Variants in SLC6A3 observed in about 807,000 individuals in gnomAD.
SLC6A3 encodes the protein sodium-dependent dopamine transporter.
In SLC6A3, 19 loss-of-function variants were observed where a neutral mutation model predicts 70.4. The observed-to-expected ratio is 0.27, with a 90% CI of 0.19 to 0.40. The LOEUF (loss-of-function observed/expected upper bound fraction) is 0.40. SLC6A3 is among the 10% of genes least tolerant of loss of function. The pLI is 1.00. For missense variants in SLC6A3, 613 were observed against 838.5 expected (o/e 0.73, Z 3.32); for synonymous variants, 368 against 356.6 (o/e 1.03, Z -0.36).
At position 1,404,653 on chromosome 5, in the gene SLC6A3, G is replaced by A. The variant is rs1304974821; in HGVS notation, c.1599+1535C>T. Reference sequence around the variant, plus strand: ...ACGCCAGAGGGCAGGGGACTATGCCGCAGCCTGAAGAAACAGATGATAACA... The same window carrying A: ...ACGCCAGAGGGCAGGGGACTATGCCACAGCCTGAAGAAACAGATGATAACA... On this transcript the variant is annotated intron_variant, in intron 12 of 14. Coordinates refer to ENST00000270349, the MANE Select transcript of SLC6A3 (RefSeq NM_001044.5). This position sits in a 1 kb window ranked among gnomAD's most constrained non-coding sequence, Gnocchi z 5.2. Among the ~76,000 whole-genome samples the A allele has an allele frequency of 6.6e-6, 1 of 152,210 alleles. No individual in the cohort carries two copies. Among genetic ancestry groups the A allele is most frequent in the African/African-American group, 2.4e-5 (1 of 41,448 alleles).
chr5:1,406,262 G>C lies in SLC6A3; in HGVS notation c.1525C>G (p.Gln509Glu). Residue 509 changes from glutamine to glutamate, a missense_variant, in exon 12 of 15, where the codon CAG (glutamine) becomes GAG (glutamate). Transcript: ENST00000270349. The surrounding 1 kb of genome is among the most constrained non-coding windows in gnomAD (Gnocchi z 8.8). The part of the protein sequence containing the change: ...YGVGQFSDDI[Q>E]QMTGQRPSLY... ...CTGGGCCGCTGCCCGGTCATCTGCT[G>C]GATGTCGTCGCTGAACTGCCCAACA... 6.2e-7 allele frequency: 1 copy of C among 1,612,994 alleles called. No individual in the cohort carries two copies. The highest frequency in any genetic ancestry group is 8.5e-7 in the Non-Finnish European group (1 of 1,179,980).
intron 4 of SLC6A3, among the ~76,000 whole-genome samples, chr5:1,431,359 G>A (rs1756697526): frequency 6.6e-6 from 1 of 152,286 alleles, no homozygotes; most frequent in Non-Finnish European, 1.5e-5. Flanking sequence ...TGCTGCAGGT[G>A]GATGGTGAGG....
intron 6 of SLC6A3, among the ~76,000 whole-genome samples, chr5:1,419,622 G>C (rs986168315): frequency 6.6e-6 from 1 of 152,166 alleles, no homozygotes; most frequent in Non-Finnish European, 1.5e-5. Flanking sequence ...CTGACTTCAT[G>C]GTTTGTCTGG....
chr5:1,414,152 T>G (rs1197930819), intron 8 of SLC6A3, among the ~76,000 whole-genome samples: 2 of 152,202 alleles, frequency 1.3e-5, no homozygotes, highest in East Asian at 3.9e-4. Flanking sequence ...CTCCAGGTGT[T>G]GCTGGAACAG....
chr5:1,414,990 G>A lies in SLC6A3; in HGVS notation c.1032-175C>T, dbSNP rs1756249844. ...AGCAGCCTGGCAGAGCTGTCCTTGG[G>A]CCACCTTGGTCCCCTAGCTGAGCTG... On this transcript the variant is annotated intron_variant, in intron 7 of 14. Transcript: ENST00000270349. Among the ~76,000 whole-genome samples the A allele has an allele frequency of 1.3e-5, 2 of 152,108 alleles. 1 individual carries two copies. Among genetic ancestry groups the A allele is most frequent in the South Asian group, 4.1e-4 (2 of 4,824 alleles).
In SLC6A3 at chr5:1,444,598, C is replaced by T. The variant is rs558682908; in HGVS notation, c.-46+750G>A. Among the ~76,000 whole-genome samples the T allele has an allele frequency of 1.2e-3, 188 of 152,330 alleles. 1 individual carries two copies. The highest frequency in any genetic ancestry group is 4.4e-3 in the African/African-American group (182 of 41,566). ...CCACGCACCCGGTGACAACCTCAAC[C>T]GGCACGACCCCTCCGGTGGGTAAAA... On this transcript the variant is annotated intron_variant, in intron 1 of 14. Coordinates refer to ENST00000270349, the MANE Select transcript of SLC6A3 (RefSeq NM_001044.5).
intron 6 of SLC6A3, among the ~76,000 whole-genome samples, chr5:1,417,616 A>G (rs2126361487): frequency 6.6e-6 from 1 of 152,338 alleles, no homozygotes; most frequent in East Asian, 1.9e-4. Flanking sequence ...GGTATTTTAA[A>G]AAGTCAGCCA....
Position 1,420,486 on chromosome 5 carries a change from C to T in SLC6A3, c.927+83G>A, listed in dbSNP as rs1033184993. 2.9e-5 allele frequency: 45 copies of T among 1,534,174 alleles called. No homozygotes were observed. In the African/African-American group the frequency reaches 5.4e-4, roughly 19 times the overall value. On this transcript the variant is annotated intron_variant, in intron 6 of 14. Coordinates refer to ENST00000270349, the MANE Select transcript of SLC6A3 (RefSeq NM_001044.5). ...TGGTGTCTGCAACTCTGACACCTCT[C>T]AGCCCTGGCAGGCAATGCATATGGA...
rs1470696049 is a variant in SLC6A3, at chr5:1,408,955, T to G, written c.1498+71A>C. 9.0e-7 allele frequency: 1 copy of G among 1,105,432 alleles called. No homozygotes were observed. Among genetic ancestry groups the G allele is most frequent in the Non-Finnish European group, 1.4e-6 (1 of 727,454 alleles). The allele number at this position is 1,105,432 out of a possible 1,614,324, so 68.5% of individuals were successfully genotyped here. ...CTGAAAGGTGTTTCCTCACGGAGCCTTTTTCAGAAGGGGAGTGGCACAGCC... is the reference window on the plus strand; with the variant it reads ...CTGAAAGGTGTTTCCTCACGGAGCCGTTTTCAGAAGGGGAGTGGCACAGCC... On this transcript the variant is annotated intron_variant, in intron 11 of 14. Coordinates refer to ENST00000270349, the MANE Select transcript of SLC6A3 (RefSeq NM_001044.5). This position sits in a 1 kb window ranked among gnomAD's most constrained non-coding sequence, Gnocchi z 6.4.
At chr5:1,415,197 G>A (rs950008945) in intron 7 of SLC6A3, among the ~76,000 whole-genome samples, 2 of 152,128 alleles carry the variant, frequency 1.3e-5, no homozygotes, top group African/African-American at 2.4e-5. Context: ...GGTCTCGGGG[G>A]CTGTGTTTCC....
At chr5:1,422,085 G>A (rs1452834719) in intron 4 of SLC6A3, 71 bp from the exon 5 acceptor site, 1 of 1,528,418 alleles carries the variant, frequency 6.5e-7, no homozygotes, top group Admixed American at 1.7e-5. Flanking sequence ...GGCTGAGCTT[G>A]TCCGGGGACC....
intron 8 of SLC6A3, among the ~76,000 whole-genome samples, chr5:1,414,423 GA>G (rs1387693146): frequency 1.1e-4 from 16 of 149,408 alleles, no homozygotes; most frequent in Non-Finnish European, 2.2e-4. Flanking sequence ...GGGCAGGGCG[GA>G]GAAGGCACTG....
chr5:1,423,146 ACCGCTGC>A (rs1560919102), intron 4 of SLC6A3, among the ~76,000 whole-genome samples: 2 of 107,496 alleles, frequency 1.9e-5, no homozygotes, highest in African/African-American at 3.8e-5. Flanking sequence ...CTAGGTGCCC[ACCGCTGC>A]CCACAGTGCT....
At chr5:1,418,440 A>G (rs571281945) in intron 6 of SLC6A3, among the ~76,000 whole-genome samples, 1 of 152,242 alleles carries the variant, frequency 6.6e-6, no homozygotes, top group East Asian at 1.9e-4. Flanking sequence ...TCATCTATCA[A>G]TCCATCACCA....
intron 3 of SLC6A3, among the ~76,000 whole-genome samples, chr5:1,440,927 G>A (rs182380618): frequency 1.0e-3 from 159 of 152,302 alleles, no homozygotes; most frequent in African/African-American, 3.7e-3. Context: ...GATACAGATA[G>A]ATGATGATGA....
intron 4 of SLC6A3, among the ~76,000 whole-genome samples, chr5:1,424,630 TGGCACA>T (rs1756537528): frequency 6.6e-6 from 1 of 152,158 alleles, no homozygotes; most frequent in Admixed American, 6.5e-5. Flanking sequence ...TGCCCATACA[TGGCACA>T]GGCCCTCCTG....
At position 1,393,180 on chromosome 5, in the gene SLC6A3, C is replaced by T. The variant is rs1348861180; in HGVS notation, c.*1555G>A. On this transcript the variant is annotated 3_prime_UTR_variant, in exon 15 of 15. Coordinates refer to ENST00000270349, the MANE Select transcript of SLC6A3 (RefSeq NM_001044.5). ...AGTCCCTGGAGCCCACGTCCACTTG[C>T]AGGGGACAGCCATGACTGGCCCTGC... is the stretch of plus-strand genomic sequence containing the variant. 1 of 152,230 alleles carries T rather than the reference C, an allele frequency of 6.6e-6. No individual in the cohort carries two copies. The highest frequency in any genetic ancestry group is 2.4e-5 in the African/African-American group (1 of 41,458). The allele number at this position is 152,230 out of a possible 1,614,324, so 9.4% of individuals were successfully genotyped here. A position where few individuals can be genotyped will look rare whatever the true frequency, so the allele number is the denominator to read the frequency against.
chr5:1,442,830 G>T lies in SLC6A3; in HGVS notation c.286+82C>A. Reference sequence around the variant, plus strand: ...TCACGCATGGGAACAGCTTCATCTCGTTTCCGTACGTGCCTTGGCCCCGGC... The same window carrying T: ...TCACGCATGGGAACAGCTTCATCTCTTTTCCGTACGTGCCTTGGCCCCGGC... On this transcript the variant is annotated intron_variant, in intron 2 of 14. Coordinates refer to ENST00000270349, the MANE Select transcript of SLC6A3 (RefSeq NM_001044.5). This position sits in a 1 kb window ranked among gnomAD's most constrained non-coding sequence, Gnocchi z 5.0. 2 of 1,425,008 alleles carry T rather than the reference G, an allele frequency of 1.4e-6. No homozygotes were observed. Among genetic ancestry groups the T allele is most frequent in the Non-Finnish European group, 2.0e-6 (2 of 1,011,474 alleles). 88.3% of individuals were successfully genotyped at this position (1,425,008 alleles called of 1,614,324 possible). A position where few individuals can be genotyped will look rare whatever the true frequency, so the allele number is the denominator to read the frequency against.
Position 1,394,643 on chromosome 5 carries a change from GCCCTC to G in SLC6A3, c.*87_*91del. The G allele has an allele frequency of 8.2e-7, 1 of 1,213,064 alleles. No individual in the cohort carries two copies. The highest frequency in any genetic ancestry group is 1.2e-6 in the Non-Finnish European group (1 of 814,352). The allele number at this position is 1,213,064 out of a possible 1,614,324, so 75.1% of individuals were successfully genotyped here. The stretch of plus-strand genomic sequence containing the variant: ...CAGTAGAGGTTGAAGAGTAGAAGTT[GCCCTC>G]CTTTCTCTCGAAACTTAGATTTCCT... On this transcript the variant is annotated 3_prime_UTR_variant, in exon 15 of 15. Transcript: ENST00000270349. The surrounding 1 kb of genome is among the most constrained non-coding windows in gnomAD (Gnocchi z 4.7).
Sources: allele counts gnomAD v4.1 joint callset (sites outside exome capture counted in the v4.1 genomes callset), GRCh38; gene constraint gnomAD v4.1.1; non-coding constraint Gnocchi (gnomAD v3.1); transcripts MANE v1.5; gene names NCBI Gene and HGNC (gene_info 2026-07-23, HGNC 2026-07-21).